The following DEF8 variants were observed in gnomAD, a reference collection of about 807,000 sequenced individuals.
DEF8 encodes the protein differentially expressed in FDCP 8 homolog, also known as DEF-8.
DEF8 carries 38 observed loss-of-function variants against 59.1 expected under a neutral mutation model. The observed-to-expected ratio is 0.64, with a 90% CI of 0.50 to 0.84. The LOEUF (loss-of-function observed/expected upper bound fraction) is 0.84, where lower values mean the gene tolerates loss of function less well. DEF8 is among the 40% of genes least tolerant of loss of function. The probability of loss-of-function intolerance (pLI) is 0.00; values close to 1 mark genes in which losing one functional copy is unlikely to be tolerated. For missense variants in DEF8, 557 were observed against 615.2 expected, an observed-to-expected ratio of 0.91 and a Z score of 1.00; for synonymous variants, 265 against 250.1, an observed-to-expected ratio of 1.06 and a Z score of -0.56.
chr16:89,960,462 T>C (rs2033879665), intron 6 of DEF8, among the ~76,000 whole-genome samples: 1 of 152,014 alleles, frequency 6.6e-6, no homozygotes, highest in Non-Finnish European at 1.5e-5. Flanking sequence ...TGAGCTCTGA[T>C]TGCACGACTA....
In DEF8 at chr16:89,966,697, C is replaced by T. The variant is rs1310961811; in HGVS notation, c.*734C>T. 1.3e-5 allele frequency: 2 copies of T among 152,714 alleles called. No individual in the cohort carries two copies. Among genetic ancestry groups the T allele is most frequent in the Admixed American group, 6.5e-5 (1 of 15,284 alleles). The allele number at this position is 152,714 out of a possible 1,614,324, so 9.5% of individuals were successfully genotyped here. A position where few individuals can be genotyped will look rare whatever the true frequency, so the allele number is the denominator to read the frequency against. On this transcript the variant is annotated 3_prime_UTR_variant, in exon 13 of 13. Coordinates refer to ENST00000563594, the MANE Select transcript of DEF8 (RefSeq NM_001242818.2). ...CCTGCTTTGGCCCAGCCCACCTTTCCTGGTGCTCCAAGCTAGGAGGCTGTG... is the reference window on the plus strand; with the variant it reads ...CCTGCTTTGGCCCAGCCCACCTTTCTTGGTGCTCCAAGCTAGGAGGCTGTG...
chr16:89,960,367 A>G (rs11643722), intron 6 of DEF8, among the ~76,000 whole-genome samples: 7,498 of 152,066 alleles, frequency 0.049, 350 homozygotes, highest in East Asian at 0.25. Flanking sequence ...AGTCTGACTG[A>G]GTGCGGTGGC....
In DEF8 at chr16:89,964,175, G is replaced by T; in HGVS notation, c.1008G>T (p.Gln336His). The T allele has an allele frequency of 6.2e-7, 1 of 1,613,910 alleles. No individual in the cohort carries two copies. Among genetic ancestry groups the T allele is most frequent in the Non-Finnish European group, 8.5e-7 (1 of 1,179,966 alleles). ...AMEARLLLQL[Q>H]DRQHFVENDE... is the part of the protein sequence containing the mutation. ...CGGCTGCTGGGACTTGGCAGCTCCA[G>T]GATCGGCAGCATTTTGTGGAGAACG... is the stretch of plus-strand genomic sequence containing the variant. Residue 336 changes from glutamine (Q) to histidine (H), a missense_variant, in exon 11 of 13, where the codon CAG (glutamine) becomes CAT (histidine). Coordinates refer to ENST00000563594, the MANE Select transcript of DEF8 (RefSeq NM_001242818.2).
chr16:89,958,407 C>G (rs923916121), intron 5 of DEF8: 3 of 155,050 alleles, frequency 1.9e-5, no homozygotes, highest in Non-Finnish European at 1.4e-5. Context: ...GTGGTGGGTC[C>G]CAGGCCACAG....
At chr16:89,958,044 G>C (rs1206911779) in intron 5 of DEF8, 2 of 167,586 alleles carry the variant, frequency 1.2e-5, no homozygotes, top group African/African-American at 4.8e-5. Context: ...GACGGTCCCG[G>C]CAACCACATC....
At chr16:89,963,512 G>C (rs2034294741) in intron 10 of DEF8, 69 bp downstream of exon 10, 2 of 1,376,418 alleles carry the variant, frequency 1.5e-6, no homozygotes, top group Admixed American at 1.9e-5. Flanking sequence ...CTCAGGCTCA[G>C]GTTTTTTCCG....
chr16:89,963,244 C>T (rs903094101), intron 9 of DEF8, 119 bp from the exon 10 acceptor site: 6 of 738,406 alleles, frequency 8.1e-6, no homozygotes, highest in Middle Eastern at 2.9e-4. Context: ...ACTCAGATCT[C>T]GGCCCTTCGT....
intron 11 of DEF8, 39 bp from the exon 12 acceptor site, chr16:89,964,427 T>G: frequency 6.4e-7 from 1 of 1,556,652 alleles, no homozygotes; most frequent in Non-Finnish European, 8.7e-7. Context: ...GAGCTGGCAC[T>G]GACGTGCCCG....
In DEF8 at chr16:89,965,054, C is replaced by G. The variant is rs530235576; in HGVS notation, c.1253+479C>G. Among the ~76,000 whole-genome samples the G allele has an allele frequency of 1.3e-5, 2 of 152,278 alleles. 1 individual carries two copies. The highest frequency in any genetic ancestry group is 4.8e-5 in the African/African-American group (2 of 41,558). ...TTGATTTATTAAGTACTTATGCTCTCGCGTTTTTTTTCCTAGCCGCTAGAC... is the reference window on the plus strand; with the variant it reads ...TTGATTTATTAAGTACTTATGCTCTGGCGTTTTTTTTCCTAGCCGCTAGAC... On this transcript the variant is annotated intron_variant, in intron 12 of 12. Coordinates refer to ENST00000563594, the MANE Select transcript of DEF8 (RefSeq NM_001242818.2).
rs1004318849 is a variant in DEF8, at chr16:89,961,177, A to C, written c.679+82A>C. The C allele has an allele frequency of 2.7e-5, 41 of 1,532,828 alleles. No homozygotes were observed. In the African/African-American group the frequency reaches 4.5e-4, roughly 17 times the overall value. The allele number at this position is 1,532,828 out of a possible 1,614,324, so 95.0% of individuals were successfully genotyped here. On this transcript the variant is annotated intron_variant, in intron 7 of 12. Coordinates refer to ENST00000563594, the MANE Select transcript of DEF8 (RefSeq NM_001242818.2). ...GTGCACAGGTGTGTAAGGGCACGTA[A>C]GTCAGACAGTTGAGTGAGGCCCTGG...
At chr16:89,964,647 C>T in intron 12 of DEF8, 72 bp downstream of exon 12, 1 of 1,192,454 alleles carries the variant, frequency 8.4e-7, no homozygotes, top group Non-Finnish European at 1.2e-6. Flanking sequence ...GCCCCTTGGC[C>T]TCCGGTAGGA....
At chr16:89,959,310 G>A (rs2033708902) in intron 6 of DEF8, 155 bp downstream of exon 6, 1 of 1,488,620 alleles carries the variant, frequency 6.7e-7, no homozygotes, top group Admixed American at 2.1e-5. Context: ...TTTCCTCGTT[G>A]TACTGTCTAC....
At chr16:89,949,735 T>A in intron 2 of DEF8, 1 of 1,214,346 alleles carries the variant, frequency 8.2e-7, no homozygotes. Flanking sequence ...TGCTAAGTTG[T>A]GGGGTCCTCC....
rs2032729852 is a variant in DEF8 at position 89,954,293 on chromosome 16, A to G, written c.41A>G (p.His14Arg). 6.2e-7 allele frequency: 1 copy of G among 1,613,480 alleles called. No individual in the cohort carries two copies. Among genetic ancestry groups the G allele is most frequent in the Non-Finnish European group, 8.5e-7 (1 of 1,179,944 alleles). The part of the protein sequence containing the change: ...DEKLARFRQA[H>R]LNPFNKQSGP... ...AAGCTGGCCCGTTTCCGGCAGGCCCACCTCAACCCCTTCAACAAGCAGTCT... is the reference window on the plus strand; with the variant it reads ...AAGCTGGCCCGTTTCCGGCAGGCCCGCCTCAACCCCTTCAACAAGCAGTCT... Residue 14 changes from histidine to arginine, a missense_variant, in exon 3 of 13, where the codon CAC becomes CGC. Coordinates refer to ENST00000563594, the MANE Select transcript of DEF8 (RefSeq NM_001242818.2). This position sits in a 1 kb window ranked among gnomAD's most constrained non-coding sequence, Gnocchi z 4.3.
chr16:89,956,075 A>AG (rs1039531327), intron 4 of DEF8, among the ~76,000 whole-genome samples: 4 of 141,306 alleles, frequency 2.8e-5, no homozygotes, highest in Non-Finnish European at 6.0e-5. Context: ...TCCGTCTCAA[A>AG]GAAAAAAAAA....
intron 10 of DEF8, chr16:89,963,873 A>G (rs1336824960): frequency 1.9e-6 from 1 of 529,840 alleles, no homozygotes; most frequent in African/African-American, 1.9e-5. Context: ...CTGTGACAAG[A>G]TAGAGAAGGA....
chr16:89,959,513 G>A (rs1037357105), intron 6 of DEF8: 2 of 442,310 alleles, frequency 4.5e-6, no homozygotes, highest in Admixed American at 4.5e-5. Context: ...TTTTGTTTTT[G>A]AGACGGAGTC....
At chr16:89,952,081 G>A (rs899967063) in intron 2 of DEF8, among the ~76,000 whole-genome samples, 1 of 152,100 alleles carries the variant, frequency 6.6e-6, no homozygotes, top group Non-Finnish European at 1.5e-5. Context: ...GTTTCAATGT[G>A]TTAGCCAGGA....
intron 4 of DEF8, chr16:89,956,596 C>T (rs1217720783): frequency 5.3e-5 from 8 of 152,170 alleles, no homozygotes; most frequent in Admixed American, 5.2e-4. Context: ...GCCTCGACCT[C>T]CTGAGCCCAA....
Sources: gnomAD v4.1 joint callset for allele counts (sites outside exome capture counted in the v4.1 genomes callset) on GRCh38, gnomAD v4.1.1 for gene constraint, Gnocchi (gnomAD v3.1) non-coding constraint, MANE v1.5 for transcripts, NCBI Gene and HGNC (gene_info 2026-07-23, HGNC 2026-07-21) for gene names.